The following TAS2R1 variants were observed in gnomAD, a reference collection of about 807,000 sequenced individuals.
The protein encoded by TAS2R1 is taste 2 receptor member 1.
For synonymous variants in TAS2R1, 141 were observed against 134.2 expected, an observed-to-expected ratio of 1.05 and a Z score of -0.35; for missense variants, 370 against 353.4, an observed-to-expected ratio of 1.05 and a Z score of -0.38.
chr5:9,863,485 C>T, the TAS2R1 span, among the ~76,000 whole-genome samples: 12 of 152,106 alleles, frequency 7.9e-5, no homozygotes, highest in Non-Finnish European at 1.6e-4. Context: ...CCAGGATGGT[C>T]TCGATCTCCT....
At chr5:9,636,841 T>C (rs375751026) in intron 2 of TAS2R1, among the ~76,000 whole-genome samples, 3 of 152,246 alleles carry the variant, frequency 2.0e-5, no homozygotes, top group East Asian at 1.9e-4. Flanking sequence ...CTCTTGAAGA[T>C]AGCAGATACT....
At chr5:9,721,700 A>G in the TAS2R1 span, among the ~76,000 whole-genome samples, 5 of 152,368 alleles carry the variant, frequency 3.3e-5, no homozygotes, top group South Asian at 8.3e-4. Context: ...TTAACTGCTT[A>G]GAGGATTTCT....
chr5:9,878,884 A>T, the TAS2R1 span, among the ~76,000 whole-genome samples: 1 of 152,158 alleles, frequency 6.6e-6, no homozygotes, highest in African/African-American at 2.4e-5. Flanking sequence ...GCTGGCCACA[A>T]GGGATGTTTT....
the TAS2R1 span, among the ~76,000 whole-genome samples, chr5:9,818,087 G>A: frequency 3.9e-5 from 6 of 152,104 alleles, no homozygotes; most frequent in South Asian, 4.1e-4. Context: ...AGACCATTCC[G>A]TATAATCACT....
the TAS2R1 span, among the ~76,000 whole-genome samples, chr5:9,874,816 G>T: frequency 2.0e-5 from 3 of 152,076 alleles, no homozygotes; most frequent in African/African-American, 7.2e-5. Context: ...CAAGAAGAAA[G>T]ATCTTTGTAG....
chr5:9,662,423 G>C (rs1167825214), intron 1 of TAS2R1, among the ~76,000 whole-genome samples: 2 of 152,148 alleles, frequency 1.3e-5, no homozygotes, highest in African/African-American at 4.8e-5. Context: ...CTGGTTATCA[G>C]AACCAAGGGG....
the TAS2R1 span, among the ~76,000 whole-genome samples, chr5:9,840,857 A>ATTTATTTTTTTTTTTTTTTTTTTTTTTTT: frequency 2.3e-5 from 3 of 132,088 alleles, no homozygotes; most frequent in African/African-American, 8.4e-5. Flanking sequence ...TTATTTATTT[A>ATTTATTTTTTTTTTTTTTTTTTTTTTTTT]TTTTTTTTTT....
chr5:9,723,171 C>T, the TAS2R1 span, among the ~76,000 whole-genome samples: 1 of 152,186 alleles, frequency 6.6e-6, no homozygotes, highest in Non-Finnish European at 1.5e-5. Flanking sequence ...GATGGATTGA[C>T]ATTTTTCAAT....
chr5:9,847,487 T>C, the TAS2R1 span, among the ~76,000 whole-genome samples: 2 of 152,204 alleles, frequency 1.3e-5, no homozygotes, highest in Non-Finnish European at 2.9e-5. Context: ...GAACCTGAGA[T>C]AGGATTTCTT....
At position 9,668,370 on chromosome 5, in the gene TAS2R1, C is replaced by T. The variant is rs190794814; in HGVS notation, c.-241-8789G>A. ...TATCCTTAATTAAAATTTTCCCAAC[C>T]TTCTAGAAAAGCCAATATTCAATCA... On this transcript the variant is annotated intron_variant, in intron 1 of 2. Transcript: ENST00000506620. 9.2e-5 allele frequency among the ~76,000 whole-genome samples: 14 copies of T among 152,196 alleles called. No homozygotes were observed. In the East Asian group the frequency reaches 2.7e-3, roughly 29 times the overall value.
At chr5:9,795,494 G>C in the TAS2R1 span, among the ~76,000 whole-genome samples, 1 of 147,720 alleles carries the variant, frequency 6.8e-6, no homozygotes, top group African/African-American at 2.5e-5. Flanking sequence ...CTACCTCCAA[G>C]AAAAAAAAAA....
the TAS2R1 span, among the ~76,000 whole-genome samples, chr5:9,788,266 CT>C: frequency 6.6e-6 from 1 of 152,206 alleles, no homozygotes; most frequent in Non-Finnish European, 1.5e-5. Context: ...GCTATTTGCA[CT>C]GTCCAAACAC....
the TAS2R1 span, among the ~76,000 whole-genome samples, chr5:9,753,887 G>A: frequency 6.6e-6 from 1 of 152,120 alleles, no homozygotes; most frequent in Non-Finnish European, 1.5e-5. Context: ...TGAGGGCTCT[G>A]TTCTGTTCCA....
chr5:9,810,389 T>C, the TAS2R1 span, among the ~76,000 whole-genome samples: 13 of 152,226 alleles, frequency 8.5e-5, 1 homozygote, highest in Admixed American at 8.5e-4. Context: ...TCACCACGCT[T>C]GGGATTTTCT....
chr5:9,645,039 C>T (rs970806382), intron 2 of TAS2R1, among the ~76,000 whole-genome samples: 9 of 152,046 alleles, frequency 5.9e-5, no homozygotes, highest in Non-Finnish European at 1.3e-4. Flanking sequence ...GATTGTTAAG[C>T]TTTTCTTATT....
the TAS2R1 span, among the ~76,000 whole-genome samples, chr5:9,817,385 T>C: frequency 6.6e-6 from 1 of 152,230 alleles, no homozygotes; most frequent in Admixed American, 6.5e-5. Flanking sequence ...TTAATGACAA[T>C]TTTACAGGCA....
chr5:9,733,708 TTTG>T, the TAS2R1 span, among the ~76,000 whole-genome samples: 1 of 152,134 alleles, frequency 6.6e-6, no homozygotes, highest in African/African-American at 2.4e-5. Flanking sequence ...GATGCAGCAA[TTTG>T]TTATGCGTGA....
chr5:9,705,863 C>CA (rs1741598067), intron 1 of TAS2R1, among the ~76,000 whole-genome samples: 1 of 151,768 alleles, frequency 6.6e-6, no homozygotes, highest in African/African-American at 2.4e-5. Context: ...ACTCCATCCC[C>CA]CCCCAAAAAA....
At chr5:9,874,563 T>G in the TAS2R1 span, among the ~76,000 whole-genome samples, 1 of 152,258 alleles carries the variant, frequency 6.6e-6, no homozygotes, top group Admixed American at 6.5e-5. Flanking sequence ...GAGCTCACTC[T>G]GCTATCTCCT....
Sources: gnomAD v4.1 joint callset for allele counts (sites outside exome capture counted in the v4.1 genomes callset) on GRCh38, gnomAD v4.1.1 for gene constraint, MANE v1.5 for transcripts, NCBI Gene and HGNC (gene_info 2026-07-23, HGNC 2026-07-21) for gene names.